SCN11A: variants seen among roughly 807,000 people sequenced by gnomAD.
The protein encoded by SCN11A is sodium channel protein type 11 subunit alpha.
Under a neutral mutation model 162.2 loss-of-function variants are expected in SCN11A, and 122 were observed. The ratio of observed to expected loss-of-function variants is 0.75; its 90% CI spans 0.65 to 0.87. SCN11A has a LOEUF of 0.87. Among genes scored for constraint, SCN11A ranks in the 40% least tolerant of loss-of-function variants. The probability of loss-of-function intolerance (pLI) is 0.00; values close to 1 mark genes in which losing one functional copy is unlikely to be tolerated. For synonymous variants in SCN11A, 758 were observed against 751.5 expected (o/e 1.01, Z -0.14); for missense variants, 2,015 against 2,181.6 (o/e 0.92, Z 1.52).
intron 2 of SCN11A, among the ~76,000 whole-genome samples, chr3:38,981,891 C>A (rs1200774233): frequency 6.6e-6 from 1 of 151,848 alleles, no homozygotes; most frequent in Non-Finnish European, 1.5e-5. Context: ...GTAGTCCCAG[C>A]TACTCAGGAG....
chr3:39,042,957 C>CAAAA (rs561204433), intron 1 of SCN11A, among the ~76,000 whole-genome samples: 5 of 65,996 alleles, frequency 7.6e-5, no homozygotes, highest in East Asian at 4.4e-4. Flanking sequence ...AACTCCATCT[C>CAAAA]AAAAAAAAAA....
rs1553644474 is a variant in SCN11A, at chr3:38,950,078, C to CCACCG, written c.267+17_267+18insCGGTG. On this transcript the variant is annotated intron_variant, in intron 5 of 29. Transcript: ENST00000302328. Reference sequence around the variant, plus strand: ...GAACACCCCCACCCCCACCCCCCCCCCCCGCCCAATGAAGTACCTTATGAT... The same window carrying CCACCG: ...GAACACCCCCACCCCCACCCCCCCCCCACCGCCCGCCCAATGAAGTACCTTATGAT... 1 of 139,974 alleles carries CCACCG rather than the reference C, an allele frequency of 7.1e-6. No individual in the cohort carries two copies. Among genetic ancestry groups the CCACCG allele is most frequent in the Non-Finnish European group, 1.5e-5 (1 of 65,382 alleles). 8.7% of individuals were successfully genotyped at this position (139,974 alleles called of 1,614,324 possible).
At chr3:39,001,909 C>A (rs1046453886) in intron 2 of SCN11A, among the ~76,000 whole-genome samples, 1 of 151,934 alleles carries the variant, frequency 6.6e-6, no homozygotes, top group East Asian at 1.9e-4. Context: ...TGGTGGCGGG[C>A]GCCTGTAGTC....
intron 2 of SCN11A, among the ~76,000 whole-genome samples, chr3:38,996,643 A>C (rs925573978): frequency 1.3e-5 from 2 of 152,220 alleles, no homozygotes; most frequent in African/African-American, 4.8e-5. Flanking sequence ...TAATGTTCCC[A>C]TAATACTACA....
At chr3:38,993,359 G>A (rs903982970) in intron 2 of SCN11A, among the ~76,000 whole-genome samples, 1 of 152,192 alleles carries the variant, frequency 6.6e-6, no homozygotes, top group African/African-American at 2.4e-5. Context: ...GCCACTGAGA[G>A]GCACTGAGCC....
chr3:38,955,631 T>C (rs1389196073), intron 3 of SCN11A, among the ~76,000 whole-genome samples: 2 of 152,260 alleles, frequency 1.3e-5, no homozygotes, highest in African/African-American at 2.4e-5. Flanking sequence ...GAAAATTTTC[T>C]GTGCAGAAAA....
chr3:38,954,100 A>C (rs1471826190), intron 3 of SCN11A, among the ~76,000 whole-genome samples: 1 of 152,200 alleles, frequency 6.6e-6, no homozygotes, highest in Non-Finnish European at 1.5e-5. Flanking sequence ...GCCATATGTC[A>C]GCTGAAACTG....
intron 2 of SCN11A, among the ~76,000 whole-genome samples, chr3:39,012,416 CTCTTTCTT>C (rs372306710): frequency 1.3e-4 from 19 of 149,290 alleles, no homozygotes; most frequent in Middle Eastern, 6.9e-3. Context: ...TCCTTCCTTG[CTCTTTCTT>C]TCTTTCTTTC....
intron 1 of SCN11A, among the ~76,000 whole-genome samples, chr3:39,044,386 T>G (rs1212909786): frequency 6.6e-6 from 1 of 152,168 alleles, no homozygotes; most frequent in African/African-American, 2.4e-5. Context: ...TTCATCAGCT[T>G]ATAGAACATC....
chr3:38,950,390 C>G (rs191220856), intron 4 of SCN11A, 21 bp from the exon 5 acceptor site: 1,163 of 1,611,242 alleles, frequency 7.2e-4, no homozygotes, highest in Non-Finnish European at 9.4e-4. Context: ...AGACAAGCCA[C>G]AGATCCTCAG....
At chr3:38,883,112 A>C (rs2065336835) in intron 22 of SCN11A, 121 bp downstream of exon 22, 1 of 821,214 alleles carries the variant, frequency 1.2e-6, no homozygotes, top group Non-Finnish European at 1.9e-6. Flanking sequence ...GGGAACCAGC[A>C]GCATCAGAGA....
intron 14 of SCN11A, among the ~76,000 whole-genome samples, chr3:38,907,164 C>G (rs1223468067): frequency 4.6e-5 from 7 of 151,862 alleles, no homozygotes; most frequent in Non-Finnish European, 1.5e-5. Context: ...ACCCATATGT[C>G]CTTACTTGAG....
At chr3:39,013,303 T>C (rs1215909903) in intron 2 of SCN11A, among the ~76,000 whole-genome samples, 1 of 152,268 alleles carries the variant, frequency 6.6e-6, no homozygotes, top group Non-Finnish European at 1.5e-5. Flanking sequence ...ACATTTTACA[T>C]GCTTAGTTCA....
intron 1 of SCN11A, among the ~76,000 whole-genome samples, chr3:39,040,035 G>A (rs771702953): frequency 1.1e-4 from 16 of 152,140 alleles, no homozygotes; most frequent in South Asian, 2.1e-4. Context: ...GTTCCTCAGG[G>A]CTGGTGCCCA....
At chr3:38,995,015 C>T (rs1240187000) in intron 2 of SCN11A, among the ~76,000 whole-genome samples, 2 of 152,124 alleles carry the variant, frequency 1.3e-5, no homozygotes, top group Non-Finnish European at 2.9e-5. Flanking sequence ...CTCAAAGATA[C>T]AGACACACTT....
At chr3:38,882,713 C>A (rs1318031250) in intron 22 of SCN11A, among the ~76,000 whole-genome samples, 1 of 152,232 alleles carries the variant, frequency 6.6e-6, no homozygotes, top group African/African-American at 2.4e-5. Context: ...GGGACTCATA[C>A]CACACTTTGA....
At chr3:39,010,343 G>GA (rs2031091220) in intron 2 of SCN11A, among the ~76,000 whole-genome samples, 1 of 150,136 alleles carries the variant, frequency 6.7e-6, no homozygotes, top group Non-Finnish European at 1.5e-5. Context: ...GCTGAAAATA[G>GA]AAAAAAATTA....
rs1367863163 is a variant in SCN11A, at chr3:39,043,466, A to G, written c.-404+8395T>C. Among the ~76,000 whole-genome samples the G allele has an allele frequency of 2.7e-5, 4 of 147,790 alleles. No individual in the cohort carries two copies. In the East Asian group the frequency reaches 5.8e-4, roughly 22 times the overall value. ...AAAGAAAATGTGATACTTATACACA[A>G]TGAAGTACTATACAGCCAAAAAAAA... On this transcript the variant is annotated intron_variant, in intron 1 of 29. Transcript: ENST00000302328.
intron 9 of SCN11A, among the ~76,000 whole-genome samples, chr3:38,924,025 C>T (rs2066095585): frequency 6.6e-6 from 1 of 152,140 alleles, no homozygotes; most frequent in African/African-American, 2.4e-5. Flanking sequence ...CTGTGCAGGG[C>T]AGGCATGATC....
Sources: allele counts gnomAD v4.1 joint callset (sites outside exome capture counted in the v4.1 genomes callset), GRCh38; gene constraint gnomAD v4.1.1; transcripts MANE v1.5; gene names NCBI Gene and HGNC (gene_info 2026-07-23, HGNC 2026-07-21).